CSMD3: variants seen among roughly 807,000 people sequenced by gnomAD.
The protein encoded by CSMD3 is CUB and Sushi multiple domains 3, also known as CUB and sushi domain-containing protein 3.
In CSMD3, 177 loss-of-function variants were observed where a neutral mutation model predicts 435.2. That is an observed-to-expected ratio of 0.41 (90% CI 0.36 to 0.46). The LOEUF is 0.46. Among genes scored for constraint, CSMD3 ranks in the 20% least tolerant of loss-of-function variants. The pLI, the probability that CSMD3 is intolerant of heterozygous loss-of-function variation, is 0.34. For synonymous variants in CSMD3, 1,656 were observed against 1,520.5 expected (o/e 1.09, Z -2.07); for missense variants, 4,265 against 4,504.6 (o/e 0.95, Z 1.52).
chr8:113,248,453 T>TA (rs2093298972), intron 3 of CSMD3, among the ~76,000 whole-genome samples: 1 of 130 alleles, frequency 7.7e-3, no homozygotes, highest in South Asian at 0.25. Context: ...AATATGGAAA[T>TA]ATATGTGTGT....
chr8:113,028,818 T>G (rs2086972208), intron 5 of CSMD3, among the ~76,000 whole-genome samples: 1 of 151,508 alleles, frequency 6.6e-6, no homozygotes. Flanking sequence ...AGAAGACATC[T>G]TCATAATATA....
intron 22 of CSMD3, among the ~76,000 whole-genome samples, chr8:112,635,270 A>G (rs545942468): frequency 6.6e-6 from 1 of 152,086 alleles, no homozygotes; most frequent in African/African-American, 2.4e-5. Flanking sequence ...TAACTAACTC[A>G]TAACAATGAG....
intron 36 of CSMD3, among the ~76,000 whole-genome samples, chr8:112,384,015 A>G (rs1216888129): frequency 6.6e-6 from 1 of 152,226 alleles, no homozygotes; most frequent in Non-Finnish European, 1.5e-5. Flanking sequence ...ATTTTTATGT[A>G]TATGTACTGA....
intron 3 of CSMD3, among the ~76,000 whole-genome samples, chr8:113,236,569 G>A (rs1276871096): frequency 2.0e-5 from 3 of 151,678 alleles, no homozygotes; most frequent in Admixed American, 6.6e-5. Flanking sequence ...CCTGCCCTTG[G>A]ACATTAGAAC....
At chr8:112,465,037 T>C (rs901756520) in intron 32 of CSMD3, among the ~76,000 whole-genome samples, 14 of 152,202 alleles carry the variant, frequency 9.2e-5, no homozygotes, top group Admixed American at 3.3e-4. Context: ...TGGACTTTTA[T>C]CTTCAGTTAA....
At chr8:113,293,510 T>A (rs1414823976) in intron 2 of CSMD3, among the ~76,000 whole-genome samples, 1 of 152,120 alleles carries the variant, frequency 6.6e-6, no homozygotes, top group Non-Finnish European at 1.5e-5. Flanking sequence ...GAGCATCTGC[T>A]GATGGTCCTC....
At chr8:112,354,446 G>C (rs528421049) in intron 38 of CSMD3, among the ~76,000 whole-genome samples, 1 of 152,228 alleles carries the variant, frequency 6.6e-6, no homozygotes, top group African/African-American at 2.4e-5. Context: ...ATACTTGGAA[G>C]ACCATAAAGA....
At chr8:113,019,646 G>A (rs140731440) in intron 5 of CSMD3, among the ~76,000 whole-genome samples, 9 of 148,388 alleles carry the variant, frequency 6.1e-5, no homozygotes, top group African/African-American at 2.2e-4. Context: ...TCTCATATAT[G>A]TATTGATACA....
intron 1 of CSMD3, among the ~76,000 whole-genome samples, chr8:113,395,032 A>T (rs2133173640): frequency 6.6e-6 from 1 of 152,290 alleles, no homozygotes; most frequent in South Asian, 2.1e-4. Flanking sequence ...ATTACAAGGT[A>T]GTCATATACA....
At chr8:112,883,765 C>A (rs756368453) in intron 10 of CSMD3, among the ~76,000 whole-genome samples, 5 of 151,934 alleles carry the variant, frequency 3.3e-5, no homozygotes, top group African/African-American at 7.2e-5. Context: ...ATGCCCTTTT[C>A]TCTTCCAGGA....
intron 1 of CSMD3, among the ~76,000 whole-genome samples, chr8:113,389,379 G>T (rs1269919898): frequency 6.6e-6 from 1 of 151,520 alleles, no homozygotes; most frequent in Admixed American, 6.6e-5. Flanking sequence ...CCCTCAGTTT[G>T]CTCTCTTTAT....
chr8:112,504,943 A>G (rs1171920343), intron 29 of CSMD3, among the ~76,000 whole-genome samples: 1 of 152,188 alleles, frequency 6.6e-6, no homozygotes. Flanking sequence ...ATTCATCAGT[A>G]GAAAAACTAT....
At chr8:112,226,347 A>T (rs566407059) in intron 70 of CSMD3, among the ~76,000 whole-genome samples, 2 of 152,258 alleles carry the variant, frequency 1.3e-5, no homozygotes, top group African/African-American at 2.4e-5. Flanking sequence ...GATACAAAAT[A>T]ATTGCCCCTT....
intron 1 of CSMD3, among the ~76,000 whole-genome samples, chr8:113,330,138 A>G (rs1279840834): frequency 2.0e-5 from 3 of 152,118 alleles, no homozygotes; most frequent in East Asian, 1.9e-4. Context: ...TTTACAACGT[A>G]TAAATATAAC....
chr8:112,372,206 GGAGTA>G (rs1377221204), intron 38 of CSMD3, among the ~76,000 whole-genome samples: 1 of 152,106 alleles, frequency 6.6e-6, no homozygotes, highest in Non-Finnish European at 1.5e-5. Flanking sequence ...AATCGTGAAA[GGAGTA>G]GAGAGAGGAA....
intron 32 of CSMD3, among the ~76,000 whole-genome samples, chr8:112,429,175 C>A (rs1374197221): frequency 6.6e-6 from 1 of 151,960 alleles, no homozygotes; most frequent in African/African-American, 2.4e-5. Flanking sequence ...TATCCTTTGA[C>A]CAACATCTCC....
intron 3 of CSMD3, among the ~76,000 whole-genome samples, chr8:113,232,094 A>C (rs1352785723): frequency 6.6e-6 from 1 of 151,502 alleles, no homozygotes; most frequent in Non-Finnish European, 1.5e-5. Context: ...TCATTACTGA[A>C]AAGTTTTGAG....
chr8:112,880,503 G>A (rs763393805), intron 10 of CSMD3, among the ~76,000 whole-genome samples: 2 of 151,970 alleles, frequency 1.3e-5, no homozygotes, highest in African/African-American at 2.4e-5. Context: ...ACTGAATCTC[G>A]AAAAGTCAGG....
At chr8:112,657,451 T>C (rs1266547116) in intron 17 of CSMD3, among the ~76,000 whole-genome samples, 1 of 152,234 alleles carries the variant, frequency 6.6e-6, no homozygotes, top group African/African-American at 2.4e-5. Flanking sequence ...CTCTATTCTA[T>C]GATGTCTGAT....
Sources: allele counts gnomAD v4.1 joint callset (sites outside exome capture counted in the v4.1 genomes callset), GRCh38; gene constraint gnomAD v4.1.1; transcripts MANE v1.5; gene names NCBI Gene and HGNC (gene_info 2026-07-23, HGNC 2026-07-21).